The following ZNF676 variants were observed in gnomAD, a reference collection of about 807,000 sequenced individuals.
The protein encoded by ZNF676 is zinc finger protein 676.
A neutral mutation model predicts 6.0 loss-of-function variants in ZNF676; 4 were observed. That is an observed-to-expected ratio of 0.67 (90% CI 0.33 to 1.53). The LOEUF (loss-of-function observed/expected upper bound fraction) is 1.53, where lower values mean the gene tolerates loss of function less well. ZNF676 is among the 40% of genes most tolerant of loss of function. The probability of loss-of-function intolerance (pLI) is 0.06; values close to 1 mark genes in which losing one functional copy is unlikely to be tolerated. For synonymous variants in ZNF676, 198 were observed against 223.1 expected (o/e 0.89, Z 1.00); for missense variants, 644 against 679.7 (o/e 0.95, Z 0.58).
At chr19:22,212,561 C>G (rs2024140308) in intron 1 of ZNF676, among the ~76,000 whole-genome samples, 1 of 151,534 alleles carries the variant, frequency 6.6e-6, no homozygotes, top group Admixed American at 6.6e-5. Flanking sequence ...AAAAAGTAGC[C>G]AGGTGTGGTG....
chr19:22,181,556 C>A lies in ZNF676; in HGVS notation c.161G>T (p.Trp54Leu). ...VICSHFSQEFWPEQGIEDSFQ... is the reference protein window; with the variant it reads ...VICSHFSQEFLPEQGIEDSFQ... ...AGAATCTTCTATGCCTTGCTCTGGC[C>A]AAAACTCTTGGGAAAAATGAGAACA... Residue 54 changes from tryptophan to leucine, a missense_variant, in exon 3 of 3, where the codon TGG becomes TTG. Trp to Leu is a moderately conservative substitution (Grantham distance 61). Transcript: ENST00000397121. The A allele has an allele frequency of 6.3e-7, 1 of 1,575,806 alleles. No homozygotes were observed. Among genetic ancestry groups the A allele is most frequent in the Non-Finnish European group, 8.6e-7 (1 of 1,164,414 alleles).
the ZNF676 span, among the ~76,000 whole-genome samples, chr19:22,251,139 C>T: frequency 6.6e-6 from 1 of 152,156 alleles, no homozygotes; most frequent in Non-Finnish European, 1.5e-5. Context: ...TTTAAAAAGT[C>T]TTTTCTGATA....
At chr19:22,242,864 A>G in the ZNF676 span, among the ~76,000 whole-genome samples, 1 of 151,776 alleles carries the variant, frequency 6.6e-6, no homozygotes, top group African/African-American at 2.4e-5. Flanking sequence ...TCTCATGAGA[A>G]GGGAGTTACA....
At chr19:22,194,681 T>A (rs1163436481) in intron 1 of ZNF676, among the ~76,000 whole-genome samples, 1 of 152,024 alleles carries the variant, frequency 6.6e-6, no homozygotes, top group African/African-American at 2.4e-5. Flanking sequence ...TGGACATCAT[T>A]GGGCGAATCA....
chr19:22,226,090 ATTTT>A, the ZNF676 span, among the ~76,000 whole-genome samples: 1 of 151,966 alleles, frequency 6.6e-6, no homozygotes, highest in East Asian at 1.9e-4. Context: ...TTTTATATAA[ATTTT>A]TTTGTCTATG....
chr19:22,219,018 T>C (rs557015467), upstream of ZNF676, among the ~76,000 whole-genome samples: 2 of 136,364 alleles, frequency 1.5e-5, no homozygotes, highest in African/African-American at 6.1e-5. Flanking sequence ...AGGATTTTTT[T>C]TTTTTAGTTT....
chr19:22,232,199 C>T, the ZNF676 span, among the ~76,000 whole-genome samples: 1 of 150,592 alleles, frequency 6.6e-6, no homozygotes, highest in African/African-American at 2.4e-5. Context: ...GACGGAGTCT[C>T]GCTCTGTCTC....
intron 1 of ZNF676, among the ~76,000 whole-genome samples, chr19:22,210,608 T>A (rs1371861762): frequency 1.3e-5 from 2 of 152,206 alleles, no homozygotes; most frequent in Non-Finnish European, 2.9e-5. Context: ...TTCTCTATCC[T>A]CTGTGTTCTC....
At chr19:22,260,247 A>C in the ZNF676 span, among the ~76,000 whole-genome samples, 1 of 152,152 alleles carries the variant, frequency 6.6e-6, no homozygotes, top group African/African-American at 2.4e-5. Flanking sequence ...ACAGCGGCTC[A>C]CACCTGTAAT....
At chr19:22,248,969 A>C in the ZNF676 span, among the ~76,000 whole-genome samples, 6 of 149,652 alleles carry the variant, frequency 4.0e-5, no homozygotes, top group African/African-American at 1.5e-4. Context: ...ACCTCAAGTG[A>C]TCTGCCCACC....
intron 1 of ZNF676, among the ~76,000 whole-genome samples, chr19:22,207,469 T>C (rs2024086994): frequency 6.6e-6 from 1 of 152,192 alleles, no homozygotes; most frequent in Non-Finnish European, 1.5e-5. Context: ...GGAAAACCAC[T>C]TTATGCTCAT....
the ZNF676 span, chr19:22,243,649 T>C: frequency 6.7e-6 from 1 of 149,980 alleles, no homozygotes; most frequent in Admixed American, 6.6e-5. Flanking sequence ...TTGTAGAGTG[T>C]GCATAAAAGT....
At chr19:22,220,113 A>G (rs1264345348), upstream of ZNF676, among the ~76,000 whole-genome samples, 1 of 152,178 alleles carries the variant, frequency 6.6e-6, no homozygotes, top group Non-Finnish European at 1.5e-5. Flanking sequence ...TATTTGGTGT[A>G]TAACATGTAT....
chr19:22,180,561 T>A lies in ZNF676; in HGVS notation c.1156A>T (p.Ile386Phe), dbSNP rs560060317. The change falls in exon 3 of 3, where the codon ATT becomes TTT. Residue 386 changes from isoleucine to phenylalanine, a missense_variant. Transcript: ENST00000397121. ...KVSTLNTHKA[I>F]HAEEKPYKCE... The stretch of plus-strand genomic sequence containing the variant: ...TTGTAGGGCTTCTCTTCAGCATGAA[T>A]TGCCTTATGTGTATTAAGGGTTGAG... 2 of 1,613,050 alleles carry A rather than the reference T, an allele frequency of 1.2e-6. No individual in the cohort carries two copies. The highest frequency in any genetic ancestry group is 1.7e-6 in the Non-Finnish European group (2 of 1,179,756).
chr19:22,259,499 A>C, the ZNF676 span, among the ~76,000 whole-genome samples: 1 of 152,242 alleles, frequency 6.6e-6, no homozygotes, highest in Non-Finnish European at 1.5e-5. Context: ...GTGGGCAAGA[A>C]TCAAGGCAGT....
chr19:22,223,118 G>A, the ZNF676 span, among the ~76,000 whole-genome samples: 1 of 152,142 alleles, frequency 6.6e-6, no homozygotes, highest in East Asian at 1.9e-4. Context: ...GGAGGAGTTT[G>A]GAATGGTTAT....
chr19:22,188,061 A>G (rs1202290711), intron 2 of ZNF676, among the ~76,000 whole-genome samples: 2 of 152,198 alleles, frequency 1.3e-5, no homozygotes, highest in African/African-American at 4.8e-5. Flanking sequence ...CACAACAAAA[A>G]AAGAAAATTT....
At chr19:22,234,982 A>AAGCAAG in the ZNF676 span, among the ~76,000 whole-genome samples, 1 of 92,298 alleles carries the variant, frequency 1.1e-5, no homozygotes, top group Non-Finnish European at 2.2e-5. Flanking sequence ...GAAAGAAAGA[A>AAGCAAG]AGAAAGAAAG....
At chr19:22,241,578 T>C in the ZNF676 span, among the ~76,000 whole-genome samples, 1 of 151,762 alleles carries the variant, frequency 6.6e-6, no homozygotes. Flanking sequence ...TGCATAAGAG[T>C]GTCACAATAT....
Sources: allele counts gnomAD v4.1 joint callset (sites outside exome capture counted in the v4.1 genomes callset), GRCh38; gene constraint gnomAD v4.1.1; transcripts MANE v1.5; gene names NCBI Gene and HGNC (gene_info 2026-07-23, HGNC 2026-07-21).